Variants in GOLGB1 observed in about 807,000 individuals in gnomAD.
GOLGB1 encodes golgin B1.
GOLGB1 carries 174 observed loss-of-function variants against 336.9 expected under a neutral mutation model. The observed-to-expected ratio is 0.52, with a 90% CI of 0.46 to 0.59. The LOEUF (loss-of-function observed/expected upper bound fraction) is 0.59. GOLGB1 is among the 20% of genes least tolerant of loss of function. The pLI, the probability that GOLGB1 is intolerant of heterozygous loss-of-function variation, is 0.00. For missense variants in GOLGB1, 3,331 were observed against 3,645.3 expected (o/e 0.91, Z 2.22); for synonymous variants, 1,208 against 1,289.2 (o/e 0.94, Z 1.35).
In GOLGB1 at chr3:121,697,859, T is replaced by C. The variant is rs1365346059; in HGVS notation, c.2664A>G (p.Leu888=). ...GGGTTTCCACATCTCTCTTTTTCTC[T>C]AGTAAGAGCTGATCCATTTTTGTTA... ...LEITKMDQLL[L]EKKRDVETLQ... is the part of the protein sequence containing the mutation. The change falls in exon 13 of 22, where the codon CTA becomes CTG. Residue 888 remains leucine (L), a synonymous_variant. Transcript: ENST00000614479. 1 of 1,614,098 alleles carries C rather than the reference T, an allele frequency of 6.2e-7. No homozygotes were observed. The highest frequency in any genetic ancestry group is 1.1e-5 in the South Asian group (1 of 91,068).
intron 14 of GOLGB1, among the ~76,000 whole-genome samples, chr3:121,684,352 C>G (rs1941496984): frequency 6.8e-6 from 1 of 147,304 alleles, no homozygotes. Context: ...ACAAACATTT[C>G]AGAAATAAGA....
intron 8 of GOLGB1, 113 bp from the exon 9 acceptor site, chr3:121,717,252 T>C: frequency 1.3e-6 from 1 of 795,402 alleles, no homozygotes. Flanking sequence ...GTTTCTATGC[T>C]AGAGAGAAAG....
At chr3:121,701,942 A>G (rs1943450438) in intron 11 of GOLGB1, among the ~76,000 whole-genome samples, 1 of 152,174 alleles carries the variant, frequency 6.6e-6, no homozygotes, top group African/African-American at 2.4e-5. Context: ...TTGGGGACCA[A>G]TACCAAATTC....
chr3:121,727,293 C>CACATATATAT (rs1469055493), intron 4 of GOLGB1, among the ~76,000 whole-genome samples: 1 of 27,582 alleles, frequency 3.6e-5, no homozygotes, highest in Non-Finnish European at 7.2e-5. Flanking sequence ...CACACACACA[C>CACATATATAT]ATATATATAT....
chr3:121,706,572 T>C lies in GOLGB1; in HGVS notation c.1405-3977A>G, dbSNP rs141802164. On this transcript the variant is annotated intron_variant, in intron 10 of 21. Coordinates refer to ENST00000614479, the MANE Select transcript of GOLGB1 (RefSeq NM_001366282.2). ...CAACATGGCAAAACCCCATCTCTAC[T>C]AAAAATATAAAATTAGCCAGGCGTG... is the stretch of plus-strand genomic sequence containing the variant. Among the ~76,000 whole-genome samples, 94 of 151,296 alleles carry C rather than the reference T, an allele frequency of 6.2e-4. 1 individual carries two copies. In the East Asian group the frequency reaches 0.014, roughly 23 times the overall value.
intron 14 of GOLGB1, among the ~76,000 whole-genome samples, chr3:121,688,009 T>A (rs920425909): frequency 6.6e-6 from 1 of 152,110 alleles, no homozygotes; most frequent in East Asian, 1.9e-4. Flanking sequence ...TTTGTTCGGA[T>A]TACAAAAGGG....
chr3:121,709,275 A>C (rs1251696886), intron 10 of GOLGB1, among the ~76,000 whole-genome samples: 1 of 152,198 alleles, frequency 6.6e-6, no homozygotes, highest in Non-Finnish European at 1.5e-5. Context: ...CAAATGTTTC[A>C]ATAACCAGAC....
intron 10 of GOLGB1, among the ~76,000 whole-genome samples, chr3:121,706,209 T>C (rs749408347): frequency 3.3e-5 from 5 of 151,620 alleles, no homozygotes; most frequent in African/African-American, 7.3e-5. Context: ...ATAAATGTAA[T>C]TGGAATTCCC....
At chr3:121,677,161 C>T in intron 16 of GOLGB1, 124 bp downstream of exon 16, 7 of 1,237,134 alleles carry the variant, frequency 5.7e-6, no homozygotes, top group South Asian at 2.8e-5. Flanking sequence ...GGCAGATGGG[C>T]ACTTAATTTG....
intron 14 of GOLGB1, among the ~76,000 whole-genome samples, chr3:121,686,936 G>A (rs1941802196): frequency 6.6e-6 from 1 of 152,188 alleles, no homozygotes; most frequent in African/African-American, 2.4e-5. Flanking sequence ...TGAAGGGTAT[G>A]AGTAGGGAGC....
chr3:121,698,384 C>G lies in GOLGB1; in HGVS notation c.2139G>C (p.Glu713Asp). 6.2e-7 allele frequency: 1 copy of G among 1,613,690 alleles called. No homozygotes were observed. Among genetic ancestry groups the G allele is most frequent in the South Asian group, 1.1e-5 (1 of 91,054 alleles). ...CCTTAGCTTTCTCATCTAAATTTTTCTCATAGATTTCTTGTGCTTTATGAA... is the reference window on the plus strand; with the variant it reads ...CCTTAGCTTTCTCATCTAAATTTTTGTCATAGATTTCTTGTGCTTTATGAA... ...LNFHKAQEIY[E>D]KNLDEKAKEI... Residue 713 changes from glutamate (E) to aspartate (D), a missense_variant, in exon 13 of 22, where the codon GAG becomes GAC. Transcript: ENST00000614479.
At chr3:121,703,884 G>A (rs1489366328) in intron 10 of GOLGB1, among the ~76,000 whole-genome samples, 1 of 152,020 alleles carries the variant, frequency 6.6e-6, no homozygotes. Context: ...TTATATCTAT[G>A]CTTAGGACAT....
At position 121,694,083 on chromosome 3, in the gene GOLGB1, T is replaced by C; in HGVS notation, c.6440A>G (p.Gln2147Arg). The C allele has an allele frequency of 6.2e-7, 1 of 1,614,110 alleles. No individual in the cohort carries two copies. Among genetic ancestry groups the C allele is most frequent in the Non-Finnish European group, 8.5e-7 (1 of 1,180,000 alleles). The change falls in exon 13 of 22, where the codon CAA becomes CGA. Residue 2147 changes from glutamine to arginine, a missense_variant. Transcript: ENST00000614479. ...TCTGCGCAAAGCATCCAGTTTCTCT[T>C]GCATATTCTTCTTCTCTTTCAGGTG... ...EKHLKEKKNM[Q>R]EKLDALRREK...
intron 17 of GOLGB1, among the ~76,000 whole-genome samples, chr3:121,672,349 A>G (rs1434396432): frequency 5.9e-5 from 9 of 152,182 alleles, no homozygotes; most frequent in Non-Finnish European, 1.3e-4. Context: ...ACATCTCACT[A>G]TAGCTTTGAT....
At chr3:121,739,771 T>C (rs1177381245) in intron 1 of GOLGB1, among the ~76,000 whole-genome samples, 1 of 152,188 alleles carries the variant, frequency 6.6e-6, no homozygotes, top group African/African-American at 2.4e-5. Flanking sequence ...TATATAAACA[T>C]TCATAGCAGC....
chr3:121,687,401 T>C (rs2107731813), intron 14 of GOLGB1, among the ~76,000 whole-genome samples: 1 of 152,336 alleles, frequency 6.6e-6, no homozygotes, highest in East Asian at 1.9e-4. Flanking sequence ...GAAAGACTTA[T>C]ATGGTGATGG....
chr3:121,730,991 G>A lies in GOLGB1; in HGVS notation c.-2-18C>T, dbSNP rs1946071178. On this transcript the variant is annotated intron_variant, in intron 1 of 21. Transcript: ENST00000614479. ...CAGCATTTCTGTAGGAAAAGAAGGG[G>A]GGAAAAAACCTAAGAATCAGCAAAA... 2.5e-6 allele frequency: 4 copies of A among 1,604,452 alleles called. No individual in the cohort carries two copies. The highest frequency in any genetic ancestry group is 3.4e-6 in the Non-Finnish European group (4 of 1,177,096).
At chr3:121,749,538 G>A (rs2108484197) in intron 1 of GOLGB1, 94 bp downstream of exon 1, 1 of 152,830 alleles carries the variant, frequency 6.5e-6, no homozygotes, top group South Asian at 2.1e-4. Context: ...GGGGACTCCG[G>A]TGTAGCTGCT....
At chr3:121,748,595 AGG>A (rs1947535727) in intron 1 of GOLGB1, among the ~76,000 whole-genome samples, 1 of 152,226 alleles carries the variant, frequency 6.6e-6, no homozygotes, top group African/African-American at 2.4e-5. Flanking sequence ...TTTTTCCAAT[AGG>A]ATATTTCCTG....
Sources: gnomAD v4.1 joint callset for allele counts (sites outside exome capture counted in the v4.1 genomes callset) on GRCh38, gnomAD v4.1.1 for gene constraint, MANE v1.5 for transcripts, NCBI Gene and HGNC (gene_info 2026-07-23, HGNC 2026-07-21) for gene names.